SENP7: variants seen among roughly 807,000 people sequenced by gnomAD.
The protein encoded by SENP7 is sentrin-specific protease 7.
A neutral mutation model predicts 141.2 loss-of-function variants in SENP7; 64 were observed. That is an observed-to-expected ratio of 0.45 (90% confidence interval 0.37 to 0.56). SENP7 has a LOEUF of 0.56. Ranked by LOEUF, SENP7 falls within the 20% of genes least tolerant of loss-of-function variation. SENP7 has a pLI of 0.00. For missense variants in SENP7, 1,025 were observed against 1,212.2 expected (o/e 0.85, Z 2.29); for synonymous variants, 382 against 426.4 (o/e 0.90, Z 1.28).
chr3:101,380,436 C>G (rs1365404726), intron 6 of SENP7, among the ~76,000 whole-genome samples: 1 of 10,524 alleles, frequency 9.5e-5, no homozygotes, highest in Non-Finnish European at 1.7e-4. Context: ...CAAACCACCG[C>G]CCCCCCCCCC....
intron 5 of SENP7, among the ~76,000 whole-genome samples, chr3:101,413,835 T>C (rs367680831): frequency 1.3e-5 from 2 of 151,894 alleles, no homozygotes; most frequent in South Asian, 2.1e-4. Flanking sequence ...TGAAGTACAT[T>C]GTGAATATGG....
chr3:101,478,265 C>A lies in SENP7; in HGVS notation c.186+15608G>T, dbSNP rs146226663. On this transcript the variant is annotated intron_variant, in intron 3 of 23. Transcript: ENST00000394095. The stretch of plus-strand genomic sequence containing the variant: ...CAGCACAGTGGCTTATGCCTGCAAT[C>A]CCAGCGCTTTGAAAGGCCAAGTTGG... Among the ~76,000 whole-genome samples the A allele has an allele frequency of 3.7e-3, 556 of 152,198 alleles. 11 individuals are homozygous for A. Among genetic ancestry groups the A allele is most frequent in the South Asian group, 0.019 (90 of 4,820 alleles).
chr3:101,502,834 C>T (rs1295420063), intron 1 of SENP7, among the ~76,000 whole-genome samples: 2 of 151,298 alleles, frequency 1.3e-5, no homozygotes, highest in African/African-American at 2.4e-5. Flanking sequence ...AAGGATCACT[C>T]GAGCCTGGGA....
intron 4 of SENP7, among the ~76,000 whole-genome samples, chr3:101,452,720 T>C (rs1200291196): frequency 1.3e-5 from 2 of 152,162 alleles, no homozygotes; most frequent in Non-Finnish European, 2.9e-5. Context: ...TAATTCAAGA[T>C]GGATTAAAGA....
At chr3:101,425,125 C>T (rs2061918225) in intron 4 of SENP7, among the ~76,000 whole-genome samples, 1 of 152,174 alleles carries the variant, frequency 6.6e-6, no homozygotes, top group African/African-American at 2.4e-5. Context: ...ATTACCCAGT[C>T]AGGGGTATGC....
intron 4 of SENP7, among the ~76,000 whole-genome samples, chr3:101,437,697 C>A (rs1219297843): frequency 6.6e-6 from 1 of 151,800 alleles, no homozygotes; most frequent in Admixed American, 6.6e-5. Flanking sequence ...GGCAACACAG[C>A]AAGACCCAGT....
At chr3:101,500,619 C>G (rs1055986355) in intron 2 of SENP7, among the ~76,000 whole-genome samples, 2 of 152,020 alleles carry the variant, frequency 1.3e-5, no homozygotes, top group African/African-American at 4.8e-5. Context: ...GTAGAAACTT[C>G]GTTTTGTTTG....
At chr3:101,349,202 T>A (rs1215500653) in intron 12 of SENP7, among the ~76,000 whole-genome samples, 1 of 152,182 alleles carries the variant, frequency 6.6e-6, no homozygotes, top group African/African-American at 2.4e-5. Context: ...CTATTCTTCA[T>A]ACTGTAACTC....
chr3:101,354,250 CATAA>C (rs1244911884), intron 11 of SENP7, among the ~76,000 whole-genome samples: 1 of 151,984 alleles, frequency 6.6e-6, no homozygotes, highest in Non-Finnish European at 1.5e-5. Flanking sequence ...TTCCAGCAAA[CATAA>C]ATAAAATTTG....
At chr3:101,415,635 A>C (rs553647743) in intron 5 of SENP7, among the ~76,000 whole-genome samples, 1 of 152,356 alleles carries the variant, frequency 6.6e-6, no homozygotes, top group Non-Finnish European at 1.5e-5. Context: ...CAACTAAGAC[A>C]AACCCCTGGC....
At chr3:101,375,108 C>T (rs1164603832) in intron 6 of SENP7, among the ~76,000 whole-genome samples, 1 of 151,724 alleles carries the variant, frequency 6.6e-6, no homozygotes, top group Non-Finnish European at 1.5e-5. Flanking sequence ...ATTTTTTTTT[C>T]ATTAAAAAAA....
At position 101,500,649 on chromosome 3, in the gene SENP7, C is replaced by T. The variant is rs150060736; in HGVS notation, c.90+421G>A. ...TGTTTGTTTTGCTACTCTTGGCTTACGTAGAAGAAATAAATGAAAAAAAGA... is the reference window on the plus strand; with the variant it reads ...TGTTTGTTTTGCTACTCTTGGCTTATGTAGAAGAAATAAATGAAAAAAAGA... On this transcript the variant is annotated intron_variant, in intron 2 of 23. Transcript: ENST00000394095. Among the ~76,000 whole-genome samples the T allele has an allele frequency of 1.6e-3, 237 of 152,070 alleles. 2 individuals carry two copies. Among genetic ancestry groups the T allele is most frequent in the African/African-American group, 5.7e-3 (235 of 41,470 alleles).
intron 5 of SENP7, among the ~76,000 whole-genome samples, chr3:101,402,286 C>T (rs940356151): frequency 6.6e-6 from 1 of 152,098 alleles, no homozygotes; most frequent in African/African-American, 2.4e-5. Flanking sequence ...TCTGTGAAGC[C>T]AGTGCTCAAT....
chr3:101,407,035 T>C (rs2061326816), intron 5 of SENP7, among the ~76,000 whole-genome samples: 1 of 152,148 alleles, frequency 6.6e-6, no homozygotes, highest in Non-Finnish European at 1.5e-5. Flanking sequence ...GAATTCGCCA[T>C]TACCAAGCAC....
At chr3:101,465,967 C>T (rs1047532599) in intron 3 of SENP7, among the ~76,000 whole-genome samples, 1 of 151,958 alleles carries the variant, frequency 6.6e-6, no homozygotes, top group African/African-American at 2.4e-5. Flanking sequence ...CGTCCTACAA[C>T]TGAAGATTTC....
chr3:101,451,921 T>C (rs911827268), intron 4 of SENP7, among the ~76,000 whole-genome samples: 1 of 152,164 alleles, frequency 6.6e-6, no homozygotes, highest in African/African-American at 2.4e-5. Context: ...GGAAGTCAAA[T>C]TGTCCCTGTT....
intron 3 of SENP7, among the ~76,000 whole-genome samples, chr3:101,464,649 G>A (rs1007735469): frequency 1.3e-5 from 2 of 151,866 alleles, no homozygotes; most frequent in African/African-American, 4.8e-5. Context: ...TCTACATTAT[G>A]GTAAGTTGTA....
At chr3:101,442,292 C>A (rs1353692610) in intron 4 of SENP7, among the ~76,000 whole-genome samples, 1 of 152,194 alleles carries the variant, frequency 6.6e-6, no homozygotes, top group Non-Finnish European at 1.5e-5. Flanking sequence ...TCAGGGAAGA[C>A]AATTTTTCCA....
At chr3:101,489,345 T>A (rs1202986367) in intron 3 of SENP7, among the ~76,000 whole-genome samples, 3 of 152,066 alleles carry the variant, frequency 2.0e-5, no homozygotes, top group African/African-American at 4.8e-5. Flanking sequence ...TAAACGTCCC[T>A]CTTAAAAGAC....
Sources: allele counts gnomAD v4.1 joint callset (sites outside exome capture counted in the v4.1 genomes callset), GRCh38; gene constraint gnomAD v4.1.1; transcripts MANE v1.5; gene names NCBI Gene and HGNC (gene_info 2026-07-23, HGNC 2026-07-21).